ANXA4: variants seen among roughly 807,000 people sequenced by gnomAD.
ANXA4 encodes the protein 35-beta calcimedin.
ANXA4 carries 39 observed loss-of-function variants against 49.8 expected under a neutral mutation model. The observed-to-expected ratio is 0.78, with a 90% CI of 0.61 to 1.02. ANXA4 has a LOEUF of 1.02. Among genes scored for constraint, ANXA4 ranks in the 50% least tolerant of loss-of-function variants. ANXA4 has a pLI of 0.00. For missense variants in ANXA4, 360 were observed against 410.1 expected (o/e 0.88, Z 1.05); for synonymous variants, 134 against 152.5 (o/e 0.88, Z 0.89).
At chr2:69,694,392 T>C (rs1678086502) in intron 2 of ANXA4, among the ~76,000 whole-genome samples, 1 of 151,638 alleles carries the variant, frequency 6.6e-6, no homozygotes. Flanking sequence ...ATACTTTAAG[T>C]TTTAGGGTAC....
upstream of ANXA4, among the ~76,000 whole-genome samples, chr2:69,741,618 C>T (rs1415313042): frequency 6.6e-6 from 1 of 152,278 alleles, no homozygotes; most frequent in South Asian, 2.1e-4. Flanking sequence ...TCTACTTTTC[C>T]GGCCACGGGC....
At chr2:69,693,775 G>T (rs1372286397) in intron 2 of ANXA4, among the ~76,000 whole-genome samples, 1 of 152,148 alleles carries the variant, frequency 6.6e-6, no homozygotes, top group Non-Finnish European at 1.5e-5. Context: ...GTAGCTATGG[G>T]GAACAATATT....
intron 1 of ANXA4, among the ~76,000 whole-genome samples, chr2:69,772,037 C>T (rs1432148741): frequency 6.6e-6 from 1 of 152,190 alleles, no homozygotes; most frequent in African/African-American, 2.4e-5. Flanking sequence ...TGTAGTCACC[C>T]ACCCATGTTC....
chr2:69,800,613 C>T (rs1038028350), intron 3 of ANXA4, among the ~76,000 whole-genome samples: 14 of 152,126 alleles, frequency 9.2e-5, no homozygotes, highest in African/African-American at 1.9e-4. Context: ...TTGGGGGCAT[C>T]GGGCAAAGCT....
rs560789408 is a variant in ANXA4, at chr2:69,800,051, G to A, written c.98-4482G>A. Among the ~76,000 whole-genome samples, 37 of 150,178 alleles carry A rather than the reference G, an allele frequency of 2.5e-4. No individual in the cohort carries two copies. The South Asian group carries it at 6.6e-3, about 27-fold the overall frequency. ...GAGTGAGGCTGGCTGACTTGCCCAC[G>A]GTCTCAGAACTATTAAGTGGTATAT... On this transcript the variant is annotated intron_variant, in intron 3 of 12. Transcript: ENST00000394295.
Position 69,825,476 on chromosome 2 carries a change from C to T in ANXA4, c.927C>T (p.Tyr309=), listed in dbSNP as rs762593352. Residue 309 remains tyrosine (Y), a synonymous_variant, in exon 13 of 13, where the codon TAC becomes TAT. Transcript: ENST00000394295. ...SFIKGDTSGD[Y]RKVLLVLCGG... is the part of the protein sequence containing the mutation. ...AACAGGGTGACACATCTGGAGACTACAGGAAAGTACTGCTTGTTCTCTGTG... is the reference window on the plus strand; with the variant it reads ...AACAGGGTGACACATCTGGAGACTATAGGAAAGTACTGCTTGTTCTCTGTG... 1.2e-5 allele frequency: 19 copies of T among 1,609,264 alleles called. No individual in the cohort carries two copies. The South Asian group carries it at 2.1e-4, about 18-fold the overall frequency.
chr2:69,652,972 G>A (rs997386338), intron 1 of ANXA4: 1 of 152,238 alleles, frequency 6.6e-6, no homozygotes, highest in East Asian at 1.9e-4. Context: ...AGTGAGACAT[G>A]TATTCTTAAG....
At chr2:69,739,461 G>A (rs1224989019), upstream of ANXA4, among the ~76,000 whole-genome samples, 2 of 152,040 alleles carry the variant, frequency 1.3e-5, no homozygotes, top group African/African-American at 2.4e-5. Flanking sequence ...ACCCAGGCTG[G>A]AGTGCAGAGG....
chr2:69,696,662 A>T (rs988534659), intron 2 of ANXA4, among the ~76,000 whole-genome samples: 5 of 152,216 alleles, frequency 3.3e-5, no homozygotes, highest in Admixed American at 3.3e-4. Flanking sequence ...TTTCTTAAAT[A>T]ACAAGACTTG....
intron 2 of ANXA4, among the ~76,000 whole-genome samples, chr2:69,715,228 G>T (rs1423574307): frequency 6.6e-6 from 1 of 151,862 alleles, no homozygotes; most frequent in Non-Finnish European, 1.5e-5. Context: ...TTTATTTTTT[G>T]AAATGGAGTC....
At chr2:69,684,382 A>G (rs1677707255) in intron 2 of ANXA4, among the ~76,000 whole-genome samples, 1 of 152,210 alleles carries the variant, frequency 6.6e-6, no homozygotes, top group Non-Finnish European at 1.5e-5. Flanking sequence ...TTCTGAAACT[A>G]TCAGATTATG....
intron 1 of ANXA4, among the ~76,000 whole-genome samples, chr2:69,754,554 A>G (rs1015611863): frequency 6.6e-6 from 1 of 152,108 alleles, no homozygotes; most frequent in Non-Finnish European, 1.5e-5. Flanking sequence ...GCTACCATGC[A>G]TGGCCTGGAG....
chr2:69,802,572 G>T (rs962550335), intron 3 of ANXA4, among the ~76,000 whole-genome samples: 1 of 152,038 alleles, frequency 6.6e-6, no homozygotes, highest in African/African-American at 2.4e-5. Context: ...TTAGCTGGGC[G>T]TGGTGGCGTG....
At chr2:69,806,302 C>T in intron 4 of ANXA4, 83 bp from the exon 5 acceptor site, 1 of 971,156 alleles carries the variant, frequency 1.0e-6, no homozygotes, top group Non-Finnish European at 1.6e-6. Context: ...CTTGGAGACC[C>T]CAGACATCCC....
intron 9 of ANXA4, chr2:69,817,518 C>T (rs1674052734): frequency 6.6e-6 from 1 of 152,168 alleles, no homozygotes; most frequent in East Asian, 1.9e-4. Context: ...AAGCCACACA[C>T]ACTGACTTCA....
chr2:69,793,090 A>G (rs1395659011), intron 3 of ANXA4, among the ~76,000 whole-genome samples: 3 of 151,810 alleles, frequency 2.0e-5, no homozygotes, highest in Non-Finnish European at 4.4e-5. Flanking sequence ...CGTCTCTACT[A>G]AAAATGCAAA....
chr2:69,790,329 T>TG (rs1320050411), intron 3 of ANXA4, among the ~76,000 whole-genome samples: 5 of 152,030 alleles, frequency 3.3e-5, no homozygotes, highest in Non-Finnish European at 4.4e-5. Context: ...TGGCGTTGTG[T>TG]GGGGAACAGC....
At chr2:69,723,940 C>T (rs1669889635) in intron 3 of ANXA4, among the ~76,000 whole-genome samples, 1 of 152,158 alleles carries the variant, frequency 6.6e-6, no homozygotes. Flanking sequence ...AACCTAGGCC[C>T]GAAAGCTAAA....
chr2:69,654,876 A>G (rs1418379214), intron 2 of ANXA4, among the ~76,000 whole-genome samples: 1 of 152,178 alleles, frequency 6.6e-6, no homozygotes, highest in Non-Finnish European at 1.5e-5. Flanking sequence ...AACACCACAC[A>G]TCTACAACCA....
Sources: allele counts gnomAD v4.1 joint callset (sites outside exome capture counted in the v4.1 genomes callset), GRCh38; gene constraint gnomAD v4.1.1; transcripts MANE v1.5; gene names NCBI Gene and HGNC (gene_info 2026-07-23, HGNC 2026-07-21).